Variants in ARL15 observed in about 807,000 individuals in gnomAD.
The protein encoded by ARL15 is ARF like GTPase 15.
A neutral mutation model predicts 25.2 loss-of-function variants in ARL15; 19 were observed. The ratio of observed to expected loss-of-function variants is 0.75; its 90% CI spans 0.53 to 1.10. The LOEUF is 1.10. Ranked by LOEUF, ARL15 falls within the 50% of genes least tolerant of loss-of-function variation. ARL15 has a pLI of 0.00. For missense variants in ARL15, 220 were observed against 246.0 expected, an observed-to-expected ratio of 0.89 and a Z score of 0.71; for synonymous variants, 94 against 86.8, an observed-to-expected ratio of 1.08 and a Z score of -0.46.
intron 1 of ARL15, among the ~76,000 whole-genome samples, chr5:54,186,125 T>C (rs1192355548): frequency 3.9e-5 from 6 of 152,218 alleles, no homozygotes; most frequent in African/African-American, 1.4e-4. Flanking sequence ...TTTTTGAATA[T>C]AAATTTCTAT....
chr5:54,291,191 A>G (rs1178105756), intron 1 of ARL15, among the ~76,000 whole-genome samples: 1 of 152,216 alleles, frequency 6.6e-6, no homozygotes, highest in African/African-American at 2.4e-5. Flanking sequence ...TGAACCATTC[A>G]ATAAGTTACT....
At chr5:53,892,385 A>T (rs564014595) in intron 4 of ARL15, among the ~76,000 whole-genome samples, 1 of 152,286 alleles carries the variant, frequency 6.6e-6, no homozygotes, top group East Asian at 1.9e-4. Flanking sequence ...AGGAAAAAGA[A>T]GTGCAACTGT....
At chr5:54,081,795 A>G (rs1461592317) in intron 4 of ARL15, among the ~76,000 whole-genome samples, 1 of 152,110 alleles carries the variant, frequency 6.6e-6, no homozygotes, top group Non-Finnish European at 1.5e-5. Context: ...AGTTCTTTAT[A>G]GCAGTATGAA....
intron 3 of ARL15, among the ~76,000 whole-genome samples, chr5:54,137,930 T>C (rs1344788791): frequency 6.6e-6 from 1 of 152,064 alleles, no homozygotes; most frequent in South Asian, 2.1e-4. Flanking sequence ...GAGGAGAACA[T>C]GCAGTGACTA....
Position 54,075,073 on chromosome 5 carries a change from G to GAAAAAAAAAAAAAAAAAAAAAA in ARL15, c.462+38128_462+38129insTTTTTTTTTTTTTTTTTTTTTT, listed in dbSNP as rs3836818. Among the ~76,000 whole-genome samples the GAAAAAAAAAAAAAAAAAAAAAA allele has an allele frequency of 1.4e-4, 9 of 63,914 alleles. 2 individuals carry two copies. The highest frequency in any genetic ancestry group is 4.3e-4 in the Admixed American group (2 of 4,624). The allele number at this position is 63,914 out of a possible 152,430, so 41.9% of individuals were successfully genotyped here. On this transcript the variant is annotated intron_variant, in intron 4 of 4. Coordinates refer to ENST00000504924, the MANE Select transcript of ARL15 (RefSeq NM_019087.3). ...GAATGATTCTTAGTACAGAATACAGGAAAAAAAAAAAAAAAAAAAGTCCTG... is the reference window on the plus strand; with the variant it reads ...GAATGATTCTTAGTACAGAATACAGGAAAAAAAAAAAAAAAAAAAAAAAAAAAAAAAAAAAAAAAAAGTCCTG...
At chr5:54,035,761 T>C (rs1255040506) in intron 4 of ARL15, among the ~76,000 whole-genome samples, 1 of 152,192 alleles carries the variant, frequency 6.6e-6, no homozygotes, top group Non-Finnish European at 1.5e-5. Flanking sequence ...TTTGTTTTAA[T>C]AGAGTCATAT....
intron 4 of ARL15, among the ~76,000 whole-genome samples, chr5:54,076,889 C>T (rs1579772249): frequency 6.6e-6 from 1 of 152,236 alleles, no homozygotes; most frequent in African/African-American, 2.4e-5. Context: ...AAGAGGCCTC[C>T]AACCACTGGA....
intron 4 of ARL15, among the ~76,000 whole-genome samples, chr5:53,938,001 T>C (rs971090063): frequency 6.6e-6 from 1 of 152,194 alleles, no homozygotes; most frequent in African/African-American, 2.4e-5. Context: ...TTCATTCTCA[T>C]GAGGGTAGAA....
chr5:54,109,307 A>G (rs1752671631), intron 4 of ARL15, among the ~76,000 whole-genome samples: 2 of 152,024 alleles, frequency 1.3e-5, no homozygotes. Context: ...CAAATACTTA[A>G]CACTGTACTT....
At chr5:53,947,907 A>G (rs1746802924) in intron 4 of ARL15, among the ~76,000 whole-genome samples, 1 of 152,220 alleles carries the variant, frequency 6.6e-6, no homozygotes, top group Admixed American at 6.5e-5. Context: ...CTAGTTTAGA[A>G]GAAAACAGCC....
chr5:54,154,497 TTA>T (rs1329028952), intron 3 of ARL15, 81 bp downstream of exon 3: 1 of 841,144 alleles, frequency 1.2e-6, no homozygotes. Context: ...TAAGTTATCA[TTA>T]TGTTTGAATT....
chr5:54,112,741 A>G (rs1322545791), intron 4 of ARL15, among the ~76,000 whole-genome samples: 2 of 152,286 alleles, frequency 1.3e-5, no homozygotes, highest in East Asian at 1.9e-4. Context: ...CAAGACATCA[A>G]TTTTCAGCCT....
At chr5:54,163,122 T>G (rs897792453) in intron 2 of ARL15, among the ~76,000 whole-genome samples, 4 of 152,100 alleles carry the variant, frequency 2.6e-5, no homozygotes, top group African/African-American at 7.2e-5. Context: ...ATGCTGAGTT[T>G]TTTTTGTTTT....
At chr5:54,071,787 C>T (rs573169950) in intron 4 of ARL15, among the ~76,000 whole-genome samples, 26 of 151,804 alleles carry the variant, frequency 1.7e-4, no homozygotes, top group African/African-American at 5.3e-4. Flanking sequence ...CTGGCTAACA[C>T]GGTGAAACCC....
intron 1 of ARL15, chr5:54,285,223 C>CA (rs1195751945): frequency 6.4e-6 from 2 of 311,070 alleles, no homozygotes; most frequent in East Asian, 1.7e-4. Context: ...AATAAAACAG[C>CA]AAAAAAGATG....
intron 4 of ARL15, among the ~76,000 whole-genome samples, chr5:53,894,035 T>C (rs1475256202): frequency 2.0e-5 from 3 of 152,254 alleles, no homozygotes; most frequent in Non-Finnish European, 1.5e-5. Context: ...ATGGATATTA[T>C]TCACTTTTTA....
intron 3 of ARL15, among the ~76,000 whole-genome samples, chr5:54,121,677 T>G (rs1386507379): frequency 2.0e-4 from 31 of 152,116 alleles, no homozygotes; most frequent in Non-Finnish European, 1.5e-5. Context: ...GATTCAGCCC[T>G]GAAGGACAGA....
In ARL15 at chr5:54,081,984, G is replaced by A. The variant is rs1230133236; in HGVS notation, c.462+31218C>T. ...CGGGCACCTGTAATCCCAGCTACTC[G>A]GGAGGCTAAGGCACGAGAACTGCTT... On this transcript the variant is annotated intron_variant, in intron 4 of 4. Transcript: ENST00000504924. Among the ~76,000 whole-genome samples the A allele has an allele frequency of 4.6e-5, 7 of 151,672 alleles. No homozygotes were observed. In the South Asian group the frequency reaches 1.5e-3, roughly 32 times the overall value.
At chr5:54,279,555 C>A (rs183973218) in intron 1 of ARL15, among the ~76,000 whole-genome samples, 1 of 152,306 alleles carries the variant, frequency 6.6e-6, no homozygotes, top group East Asian at 1.9e-4. Flanking sequence ...CTAATTATCT[C>A]CCAAAGGCCC....
Sources: gnomAD v4.1 joint callset for allele counts (sites outside exome capture counted in the v4.1 genomes callset) on GRCh38, gnomAD v4.1.1 for gene constraint, MANE v1.5 for transcripts, NCBI Gene and HGNC (gene_info 2026-07-23, HGNC 2026-07-21) for gene names.